Variants in SCP2 observed in about 807,000 individuals in gnomAD.
SCP2 encodes SCP-2/3-oxoacyl-CoA thiolase.
In SCP2, 48 loss-of-function variants were observed where a neutral mutation model predicts 71.4. That is an observed-to-expected ratio of 0.67 (90% CI 0.53 to 0.86). The LOEUF (loss-of-function observed/expected upper bound fraction) is 0.86, where lower values mean the gene tolerates loss of function less well. Among genes scored for constraint, SCP2 ranks in the 40% least tolerant of loss-of-function variants. The pLI is 0.00. For synonymous variants in SCP2, 220 were observed against 218.1 expected, an observed-to-expected ratio of 1.01 and a Z score of -0.08; for missense variants, 560 against 655.6, an observed-to-expected ratio of 0.85 and a Z score of 1.59.
At position 52,946,311 on chromosome 1, in the gene SCP2, C is replaced by T. The variant is rs182906064; in HGVS notation, c.128-1698C>T. 6.6e-4 allele frequency among the ~76,000 whole-genome samples: 100 copies of T among 152,188 alleles called. No homozygotes were observed. The East Asian group carries it at 0.018, about 27-fold the overall frequency. ...TGGTGAGATCATGGCTCACTGTAGC[C>T]TTGACCTCCAGGATTCAAGTGATCC... On this transcript the variant is annotated intron_variant, in intron 2 of 15. Transcript: ENST00000371514.
At chr1:53,002,797 A>G (rs1660398675) in intron 11 of SCP2, among the ~76,000 whole-genome samples, 1 of 152,230 alleles carries the variant, frequency 6.6e-6, no homozygotes, top group African/African-American at 2.4e-5. Flanking sequence ...GGTCTTAAGA[A>G]TTTGGGTGAA....
At chr1:52,933,563 GA>G (rs1653367855) in intron 1 of SCP2, among the ~76,000 whole-genome samples, 1 of 152,154 alleles carries the variant, frequency 6.6e-6, no homozygotes, top group African/African-American at 2.4e-5. Flanking sequence ...TTGACAAAGG[GA>G]AACAATCATA....
chr1:53,021,374 T>C (rs1661711959), intron 12 of SCP2, among the ~76,000 whole-genome samples: 1 of 144,600 alleles, frequency 6.9e-6, no homozygotes, highest in African/African-American at 2.6e-5. Flanking sequence ...TGGAGTGCAG[T>C]TGCGCAATCT....
In SCP2 at chr1:52,985,658, C is replaced by G. The variant is rs541333190; in HGVS notation, c.974-2371C>G. ...GACGAACAAGCCAAATATGATCTGT[C>G]CTCCTTACTCCCCACTCCCATCTCT... On this transcript the variant is annotated intron_variant, in intron 10 of 15. Transcript: ENST00000371514. 2.6e-5 allele frequency among the ~76,000 whole-genome samples: 4 copies of G among 152,296 alleles called. No individual in the cohort carries two copies. The South Asian group carries it at 8.3e-4, about 32-fold the overall frequency.
At chr1:52,987,006 A>ATATATTTTTTTTTTTT (rs1386745740) in intron 10 of SCP2, among the ~76,000 whole-genome samples, 1 of 110,506 alleles carries the variant, frequency 9.0e-6, no homozygotes, top group African/African-American at 4.0e-5. Flanking sequence ...ATATATATAT[A>ATATATTTTTTTTTTTT]TTTTTTTTTT....
chr1:52,958,103 G>T (rs1655989045), intron 5 of SCP2, among the ~76,000 whole-genome samples: 1 of 151,924 alleles, frequency 6.6e-6, no homozygotes, highest in Non-Finnish European at 1.5e-5. Context: ...TCTTTATTCT[G>T]TGCCATTTAT....
chr1:52,974,790 C>A lies in SCP2; in HGVS notation c.545C>A (p.Ala182Glu). 1 of 1,549,336 alleles carries A rather than the reference C, an allele frequency of 6.5e-7. No individual in the cohort carries two copies. The highest frequency in any genetic ancestry group is 8.9e-7 in the Non-Finnish European group (1 of 1,121,132). ...EKYGTKIEHF[A>E]KIGWKNHKHS... ...ACAGGAACAAAAATTGAACACTTTG[C>A]AAAAATTGGATGGAAAAATCATAAA... The change falls in exon 7 of 16, where the codon GCA (alanine) becomes GAA (glutamate). Residue 182 changes from alanine (A) to glutamate (E), a missense_variant. By Grantham distance (107) the Ala-to-Glu change is moderately radical (BLOSUM62 -1). Coordinates refer to ENST00000371514, the MANE Select transcript of SCP2 (RefSeq NM_002979.5).
chr1:52,992,399 A>G (rs1659578823), intron 11 of SCP2, among the ~76,000 whole-genome samples: 1 of 152,242 alleles, frequency 6.6e-6, no homozygotes, highest in African/African-American at 2.4e-5. Flanking sequence ...TATATTACAA[A>G]CAAAAACAGT....
At chr1:53,033,649 C>A (rs1202215271) in intron 13 of SCP2, among the ~76,000 whole-genome samples, 3 of 144,722 alleles carry the variant, frequency 2.1e-5, no homozygotes, top group Non-Finnish European at 3.1e-5. Flanking sequence ...AGTAGGATGA[C>A]TAAAATAAAA....
At chr1:53,019,858 T>A (rs1661594751) in intron 12 of SCP2, among the ~76,000 whole-genome samples, 1 of 152,206 alleles carries the variant, frequency 6.6e-6, no homozygotes, top group South Asian at 2.1e-4. Context: ...TGACAACTTT[T>A]TAAATTTTAT....
chr1:52,991,957 A>C (rs1659546150), intron 11 of SCP2, among the ~76,000 whole-genome samples: 1 of 152,220 alleles, frequency 6.6e-6, no homozygotes, highest in South Asian at 2.1e-4. Context: ...CAGAATTAAA[A>C]ACAAAATCAG....
At chr1:53,012,800 A>G (rs922324121) in intron 11 of SCP2, among the ~76,000 whole-genome samples, 3 of 152,188 alleles carry the variant, frequency 2.0e-5, no homozygotes, top group Admixed American at 6.5e-5. Flanking sequence ...CCATTTTTAC[A>G]TATTCTTACC....
intron 14 of SCP2, among the ~76,000 whole-genome samples, chr1:53,040,547 C>T (rs186089725): frequency 2.0e-5 from 3 of 152,180 alleles, no homozygotes; most frequent in Admixed American, 1.3e-4. Flanking sequence ...GGTGAAACCC[C>T]ATCTCTACTA....
chr1:52,965,891 C>T (rs1656910141), intron 6 of SCP2, among the ~76,000 whole-genome samples: 1 of 151,918 alleles, frequency 6.6e-6, no homozygotes, highest in Non-Finnish European at 1.5e-5. Flanking sequence ...AGTGATCCAC[C>T]TGCCTCAGCA....
rs548983519 is a variant in SCP2, at chr1:53,001,592, A to C, written c.1082-13298A>C. Among the ~76,000 whole-genome samples, 16 of 152,306 alleles carry C rather than the reference A, an allele frequency of 1.1e-4. No homozygotes were observed. In the South Asian group the frequency reaches 3.1e-3, roughly 30 times the overall value. Reference sequence around the variant, plus strand: ...GGCATGGAGAGTTTAAATGATTTGCATGAAGTCATCAAGCTAGAGAGTGGC... The same window carrying C: ...GGCATGGAGAGTTTAAATGATTTGCCTGAAGTCATCAAGCTAGAGAGTGGC... On this transcript the variant is annotated intron_variant, in intron 11 of 15. Coordinates refer to ENST00000371514, the MANE Select transcript of SCP2 (RefSeq NM_002979.5).
intron 14 of SCP2, among the ~76,000 whole-genome samples, chr1:53,044,869 A>G (rs1663686549): frequency 1.3e-5 from 2 of 152,278 alleles, no homozygotes; most frequent in African/African-American, 2.4e-5. Flanking sequence ...TTTTTCCACT[A>G]TTTTACTTTG....
At chr1:52,979,196 G>A (rs115928449) in intron 9 of SCP2, among the ~76,000 whole-genome samples, 2,483 of 152,088 alleles carry the variant, frequency 0.016, 25 homozygotes, top group Non-Finnish European at 0.027. Context: ...CTTTGAGACA[G>A]GATCTTGCTT....
At chr1:53,045,277 T>C (rs1002634024) in intron 14 of SCP2, among the ~76,000 whole-genome samples, 2 of 152,252 alleles carry the variant, frequency 1.3e-5, no homozygotes, top group African/African-American at 4.8e-5. Context: ...AGCTTGATTT[T>C]ATTTATTTTA....
chr1:52,972,531 G>T (rs1010738629), intron 6 of SCP2, among the ~76,000 whole-genome samples: 1 of 152,168 alleles, frequency 6.6e-6, no homozygotes, highest in Non-Finnish European at 1.5e-5. Flanking sequence ...ACCAATCTAT[G>T]CATGGATTGC....
Sources: gnomAD v4.1 joint callset for allele counts (sites outside exome capture counted in the v4.1 genomes callset) on GRCh38, gnomAD v4.1.1 for gene constraint, MANE v1.5 for transcripts, NCBI Gene and HGNC (gene_info 2026-07-23, HGNC 2026-07-21) for gene names.